Variants in KCNH5 observed in about 807,000 individuals in gnomAD.
KCNH5 encodes the protein potassium voltage-gated channel subfamily H member 5, also known as voltage-gated delayed rectifier potassium channel KCNH5.
A neutral mutation model predicts 96.1 loss-of-function variants in KCNH5; 46 were observed. The ratio of observed to expected loss-of-function variants is 0.48; its 90% CI spans 0.38 to 0.61. The LOEUF is 0.61. Ranked by LOEUF, KCNH5 falls within the 20% of genes least tolerant of loss-of-function variation. KCNH5 has a pLI of 0.00. For synonymous variants in KCNH5, 439 were observed against 449.8 expected (o/e 0.98, Z 0.30); for missense variants, 907 against 1,225.8 (o/e 0.74, Z 3.88).
chr14:62,992,534 T>C (rs978279816), intron 4 of KCNH5, among the ~76,000 whole-genome samples: 17 of 152,098 alleles, frequency 1.1e-4, no homozygotes, highest in Non-Finnish European at 2.4e-4. Flanking sequence ...TGTGAGATGG[T>C]ATCTCATTGT....
chr14:62,816,510 A>G (rs1886982026), intron 8 of KCNH5, among the ~76,000 whole-genome samples: 1 of 151,954 alleles, frequency 6.6e-6, no homozygotes, highest in Non-Finnish European at 1.5e-5. Context: ...TTATAGTTGA[A>G]ATAGGATAGC....
intron 4 of KCNH5, among the ~76,000 whole-genome samples, chr14:62,999,427 T>C (rs1432855207): frequency 6.6e-6 from 1 of 152,098 alleles, no homozygotes; most frequent in Non-Finnish European, 1.5e-5. Context: ...TTGTAGATTC[T>C]GGACTATTCA....
chr14:63,008,958 A>G (rs1891176520), intron 2 of KCNH5, among the ~76,000 whole-genome samples: 1 of 152,120 alleles, frequency 6.6e-6, no homozygotes, highest in South Asian at 2.1e-4. Flanking sequence ...ATTTTTAATT[A>G]AAGAATCTTA....
At chr14:62,826,440 G>GTGTGTGTC (rs1887228929) in intron 8 of KCNH5, among the ~76,000 whole-genome samples, 1 of 149,348 alleles carries the variant, frequency 6.7e-6, no homozygotes, top group Non-Finnish European at 1.5e-5. Context: ...GTGTGTGTGT[G>GTGTGTGTC]TGTCAGCATT....
chr14:62,930,085 T>A (rs1175985078), intron 7 of KCNH5, among the ~76,000 whole-genome samples: 1 of 152,146 alleles, frequency 6.6e-6, no homozygotes, highest in Non-Finnish European at 1.5e-5. Flanking sequence ...ATAGCACAGC[T>A]ATGAACATAC....
chr14:62,771,935 T>C (rs1566655519), intron 10 of KCNH5, among the ~76,000 whole-genome samples: 1 of 152,214 alleles, frequency 6.6e-6, no homozygotes, highest in African/African-American at 2.4e-5. Context: ...CGATATAACA[T>C]AGACATGGTA....
chr14:62,899,985 G>A (rs1312065344), intron 7 of KCNH5, among the ~76,000 whole-genome samples: 8 of 151,940 alleles, frequency 5.3e-5, no homozygotes, highest in Admixed American at 5.2e-4. Flanking sequence ...TCTAATTATC[G>A]TTGGCCAGAT....
intron 7 of KCNH5, among the ~76,000 whole-genome samples, chr14:62,879,093 T>C (rs1355543061): frequency 6.6e-6 from 1 of 152,094 alleles, no homozygotes; most frequent in African/African-American, 2.4e-5. Flanking sequence ...TACTAATGAC[T>C]AATAAAAACA....
Position 62,903,264 on chromosome 14 carries a change from C to CCA in KCNH5, c.1369+46867_1369+46868dup, listed in dbSNP as rs1024938629. 2.6e-5 allele frequency among the ~76,000 whole-genome samples: 4 copies of CCA among 152,050 alleles called. No individual in the cohort carries two copies. In the South Asian group the frequency reaches 8.3e-4, roughly 32 times the overall value. On this transcript the variant is annotated intron_variant, in intron 7 of 10. Transcript: ENST00000322893. ...CTCAAACCACAACCTTCACCACTAC[C>CCA]CACACACACACCCTTGTACTACCAA...
chr14:62,996,552 T>A (rs965336255), intron 4 of KCNH5, among the ~76,000 whole-genome samples: 5 of 152,212 alleles, frequency 3.3e-5, no homozygotes, highest in Non-Finnish European at 5.9e-5. Flanking sequence ...TGTATAAAAA[T>A]GAATTATTCA....
intron 7 of KCNH5, among the ~76,000 whole-genome samples, chr14:62,856,962 A>G (rs1026121452): frequency 1.3e-5 from 2 of 152,168 alleles, no homozygotes; most frequent in Non-Finnish European, 2.9e-5. Flanking sequence ...CAGTGAGTTG[A>G]CTGAATCACT....
chr14:62,882,316 AT>A (rs1888510461), intron 7 of KCNH5, among the ~76,000 whole-genome samples: 1 of 152,098 alleles, frequency 6.6e-6, no homozygotes, highest in South Asian at 2.1e-4. Context: ...TCTTCTCCTG[AT>A]CATCTGAGAA....
intron 7 of KCNH5, among the ~76,000 whole-genome samples, chr14:62,937,807 A>G (rs1454701075): frequency 6.6e-6 from 1 of 152,214 alleles, no homozygotes; most frequent in Non-Finnish European, 1.5e-5. Context: ...TTGTTAAGGC[A>G]GCAAAAGGGC....
chr14:62,834,530 C>T (rs1887426892), intron 8 of KCNH5, among the ~76,000 whole-genome samples: 1 of 151,824 alleles, frequency 6.6e-6, no homozygotes, highest in Non-Finnish European at 1.5e-5. Flanking sequence ...TGATGAGCCT[C>T]ATGAAGAAAA....
intron 10 of KCNH5, among the ~76,000 whole-genome samples, chr14:62,752,439 C>T (rs1164411065): frequency 3.3e-5 from 5 of 150,248 alleles, no homozygotes; most frequent in Non-Finnish European, 7.4e-5. Flanking sequence ...TATTGGATGA[C>T]ATTTCTGAAC....
chr14:62,727,455 C>G (rs961820747), intron 10 of KCNH5, among the ~76,000 whole-genome samples: 1 of 152,054 alleles, frequency 6.6e-6, no homozygotes, highest in Admixed American at 6.6e-5. Context: ...GACATGTTTC[C>G]TGTTCTGTTT....
At chr14:62,760,238 C>T (rs1002452178) in intron 10 of KCNH5, among the ~76,000 whole-genome samples, 3 of 152,010 alleles carry the variant, frequency 2.0e-5, no homozygotes, top group Non-Finnish European at 4.4e-5. Flanking sequence ...TTTTTTCACA[C>T]GAGAATGAGT....
chr14:62,803,150 C>T (rs1160957714), intron 8 of KCNH5, among the ~76,000 whole-genome samples: 2 of 151,960 alleles, frequency 1.3e-5, no homozygotes, highest in Admixed American at 1.3e-4. Context: ...GACCTTATCT[C>T]AAAACAAAAA....
chr14:62,802,185 A>T (rs1886675405), intron 9 of KCNH5, 144 bp downstream of exon 9: 1 of 734,836 alleles, frequency 1.4e-6, no homozygotes, highest in African/African-American at 1.8e-5. Flanking sequence ...TAGCATTATT[A>T]GTTTTCATTA....
Sources: allele counts gnomAD v4.1 joint callset (sites outside exome capture counted in the v4.1 genomes callset), GRCh38; gene constraint gnomAD v4.1.1; transcripts MANE v1.5; gene names NCBI Gene and HGNC (gene_info 2026-07-23, HGNC 2026-07-21).